Variants in MTMR7 observed in about 807,000 individuals in gnomAD.
The protein encoded by MTMR7 is phosphatidylinositol-3-phosphate phosphatase MTMR7.
MTMR7 carries 76 observed loss-of-function variants against 81.2 expected under a neutral mutation model. The observed-to-expected ratio is 0.94, with a 90% CI of 0.78 to 1.13. MTMR7 has a LOEUF of 1.13. Among genes scored for constraint, MTMR7 ranks in the 50% most tolerant of loss-of-function variants. MTMR7 has a pLI of 0.00. For missense variants in MTMR7, 1,044 were observed against 820.0 expected (o/e 1.27, Z -3.34); for synonymous variants, 372 against 289.8 (o/e 1.28, Z -2.88).
intron 7 of MTMR7, among the ~76,000 whole-genome samples, chr8:17,315,385 A>G (rs1247805910): frequency 6.9e-6 from 1 of 145,122 alleles, no homozygotes; most frequent in Non-Finnish European, 1.5e-5. Context: ...TTAGGGCAGA[A>G]AACTACGACA....
At chr8:17,339,701 CA>C (rs1345945578) in intron 6 of MTMR7, among the ~76,000 whole-genome samples, 1 of 152,136 alleles carries the variant, frequency 6.6e-6, no homozygotes, top group Non-Finnish European at 1.5e-5. Flanking sequence ...TAATAATGAA[CA>C]AATATTCACA....
intron 1 of MTMR7, among the ~76,000 whole-genome samples, chr8:17,402,702 G>T (rs1338906824): frequency 6.6e-6 from 1 of 152,156 alleles, no homozygotes; most frequent in East Asian, 1.9e-4. Context: ...CGACTTCTGT[G>T]AATAATGCTG....
intron 1 of MTMR7, among the ~76,000 whole-genome samples, chr8:17,409,000 T>C (rs1161278929): frequency 6.6e-6 from 1 of 152,164 alleles, no homozygotes; most frequent in Non-Finnish European, 1.5e-5. Context: ...TAAATATATA[T>C]AATTGCAAAA....
chr8:17,373,220 T>C lies in MTMR7; in HGVS notation c.45A>G (p.Val15=). Residue 15 remains valine, a synonymous_variant, in exon 2 of 14, where the codon GTA becomes GTG. Transcript: ENST00000180173. ...RTPKVENVRL[V]DRVSPKKAAL... ...CTGCTTTTTTAGGAGACACTCGATC[T>C]ACCAAGCGGACATTTTCAACCTAGA... 6.2e-7 allele frequency: 1 copy of C among 1,613,114 alleles called. No homozygotes were observed. Among genetic ancestry groups the C allele is most frequent in the Non-Finnish European group, 8.5e-7 (1 of 1,179,524 alleles).
chr8:17,394,993 T>C (rs987273607), intron 1 of MTMR7, among the ~76,000 whole-genome samples: 3 of 152,188 alleles, frequency 2.0e-5, no homozygotes, highest in Admixed American at 1.3e-4. Flanking sequence ...ACATTCACTG[T>C]TGTGTAACCA....
At chr8:17,307,481 T>C (rs1373114509) in intron 10 of MTMR7, among the ~76,000 whole-genome samples, 1 of 152,126 alleles carries the variant, frequency 6.6e-6, no homozygotes, top group Non-Finnish European at 1.5e-5. Flanking sequence ...AGTGTGGCGA[T>C]TCCTCAGGGA....
Position 17,309,415 on chromosome 8 carries a change from A to C in MTMR7, c.1102-89T>G, listed in dbSNP as rs552504579. On this transcript the variant is annotated intron_variant, in intron 9 of 13. Transcript: ENST00000180173. ...CAATAATGTTGAGGAATTCAGAGGC[A>C]CTTGCAGAAGTCCCCATCCTCGAGT... 2.8e-4 allele frequency: 254 copies of C among 907,496 alleles called. 2 individuals carry two copies. The highest frequency in any genetic ancestry group is 1.7e-3 in the Middle Eastern group (8 of 4,638). The allele number at this position is 907,496 out of a possible 1,614,324, so 56.2% of individuals were successfully genotyped here. A position where few individuals can be genotyped will look rare whatever the true frequency, so the allele number is the denominator to read the frequency against.
chr8:17,370,939 G>C, intron 3 of MTMR7, 98 bp downstream of exon 3: 1 of 1,226,878 alleles, frequency 8.2e-7, no homozygotes, highest in Non-Finnish European at 1.2e-6. Context: ...CATAATCCCT[G>C]AACCCCTATC....
intron 10 of MTMR7, among the ~76,000 whole-genome samples, chr8:17,306,608 T>C (rs899604508): frequency 6.6e-6 from 1 of 150,484 alleles, no homozygotes; most frequent in Non-Finnish European, 1.5e-5. Context: ...CACTACTGTG[T>C]GAGTTTTACA....
At chr8:17,383,926 A>G (rs1802171544) in intron 1 of MTMR7, among the ~76,000 whole-genome samples, 1 of 152,204 alleles carries the variant, frequency 6.6e-6, no homozygotes, top group African/African-American at 2.4e-5. Context: ...TGCAGTAATT[A>G]TAGAAACATC....
Position 17,361,239 on chromosome 8 carries a change from G to A in MTMR7, c.346C>T (p.Pro116Ser), listed in dbSNP as rs1214888401. ...YEELYCFSFNPMLDKEEREQG... is the reference protein window; with the variant it reads ...YEELYCFSFNSMLDKEEREQG... ...TCTCTTTCTTCTTTATCCAGCATGGGGTTGAATGAAAAGCAGTATAACTCC... is the reference window on the plus strand; with the variant it reads ...TCTCTTTCTTCTTTATCCAGCATGGAGTTGAATGAAAAGCAGTATAACTCC... The change falls in exon 4 of 14, where the codon CCC becomes TCC. Residue 116 changes from proline (P) to serine (S), a missense_variant. Pro to Ser is a moderately conservative substitution (Grantham distance 74). Transcript: ENST00000180173. 1.2e-6 allele frequency: 2 copies of A among 1,614,000 alleles called. No homozygotes were observed. Among genetic ancestry groups the A allele is most frequent in the Non-Finnish European group, 1.7e-6 (2 of 1,180,014 alleles).
rs911460232 is a variant in MTMR7, at chr8:17,306,048, A to C, written c.1152-91T>G. ...CAAAAACAACCATAAAAGCAACCCT[A>C]GTTCCTAAATAAATCTTATCTTACA... is the stretch of plus-strand genomic sequence containing the variant. On this transcript the variant is annotated intron_variant, in intron 10 of 13. Coordinates refer to ENST00000180173, the MANE Select transcript of MTMR7 (RefSeq NM_004686.5). 10 of 973,722 alleles carry C rather than the reference A, an allele frequency of 1.0e-5. No homozygotes were observed. In the African/African-American group the frequency reaches 1.7e-4, roughly 16 times the overall value. The allele number at this position is 973,722 out of a possible 1,614,324, so 60.3% of individuals were successfully genotyped here. A position where few individuals can be genotyped will look rare whatever the true frequency, so the allele number is the denominator to read the frequency against.
Position 17,298,265 on chromosome 8 carries a change from T to TAAAC in MTMR7, c.*1593_*1596dup, listed in dbSNP as rs1816867849. On this transcript the variant is annotated 3_prime_UTR_variant, in exon 14 of 14. Coordinates refer to ENST00000180173, the MANE Select transcript of MTMR7 (RefSeq NM_004686.5). ...CATATAGTATATTGCAGAAAATGAA[T>TAAAC]AAACATTCCTTGTACTTAATTTGGG... The TAAAC allele has an allele frequency of 1.3e-5, 2 of 152,198 alleles. No individual in the cohort carries two copies. The highest frequency in any genetic ancestry group is 4.1e-4 in the South Asian group (2 of 4,828). 9.4% of individuals were successfully genotyped at this position (152,198 alleles called of 1,614,324 possible).
At position 17,297,500 on chromosome 8, in the gene MTMR7, T is replaced by C. The variant is rs1477871655; in HGVS notation, c.*2362A>G. 2 of 152,090 alleles carry C rather than the reference T, an allele frequency of 1.3e-5. No individual in the cohort carries two copies. The highest frequency in any genetic ancestry group is 2.9e-5 in the Non-Finnish European group (2 of 67,944). The allele number at this position is 152,090 out of a possible 1,614,324, so 9.4% of individuals were successfully genotyped here. ...TGGTTTCTGTCTCTGATCATCACCT[T>C]CCATTCTATAAAAAGCTCAGTTACT... is the stretch of plus-strand genomic sequence containing the variant. On this transcript the variant is annotated 3_prime_UTR_variant, in exon 14 of 14. Coordinates refer to ENST00000180173, the MANE Select transcript of MTMR7 (RefSeq NM_004686.5).
chr8:17,371,253 A>T, intron 2 of MTMR7, 54 bp from the exon 3 acceptor site: 2 of 1,544,608 alleles, frequency 1.3e-6, no homozygotes, highest in East Asian at 2.3e-5. Context: ...AATGAATACG[A>T]CAAGGACTAA....
At chr8:17,401,456 G>A (rs1314951931) in intron 1 of MTMR7, among the ~76,000 whole-genome samples, 2 of 152,032 alleles carry the variant, frequency 1.3e-5, no homozygotes, top group Non-Finnish European at 2.9e-5. Flanking sequence ...AGAAGGGGCA[G>A]ATAAGGTATA....
chr8:17,408,086 A>T (rs1295218933), intron 1 of MTMR7, among the ~76,000 whole-genome samples: 1 of 152,170 alleles, frequency 6.6e-6, no homozygotes, highest in East Asian at 1.9e-4. Flanking sequence ...GGAAACCATC[A>T]ATCAGCAAGA....
rs527574295 is a variant in MTMR7, at chr8:17,333,208, G to A, written c.733-1926C>T. On this transcript the variant is annotated intron_variant, in intron 6 of 13. Transcript: ENST00000180173. ...AGGGTGTCATCTTTCTCCCAGGCAT[G>A]CTACGAGAATAAAGAGTTTGGCCTT... 3.9e-5 allele frequency among the ~76,000 whole-genome samples: 6 copies of A among 152,252 alleles called. No homozygotes were observed. The South Asian group carries it at 8.3e-4, about 21-fold the overall frequency.
chr8:17,311,739 C>G, intron 8 of MTMR7, 103 bp from the exon 9 acceptor site: 2 of 1,545,202 alleles, frequency 1.3e-6, no homozygotes, highest in Non-Finnish European at 1.8e-6. Context: ...AAAGAAACAG[C>G]CAAAACGAAA....
Sources: allele counts gnomAD v4.1 joint callset (sites outside exome capture counted in the v4.1 genomes callset), GRCh38; gene constraint gnomAD v4.1.1; transcripts MANE v1.5; gene names NCBI Gene and HGNC (gene_info 2026-07-23, HGNC 2026-07-21).